Variants in CSMD1 observed in about 807,000 individuals in gnomAD.
The protein encoded by CSMD1 is CUB and Sushi multiple domains 1.
CSMD1 carries 213 observed loss-of-function variants against 417.5 expected under a neutral mutation model. The ratio of observed to expected loss-of-function variants is 0.51; its 90% CI spans 0.46 to 0.57. The LOEUF is 0.57. Ranked by LOEUF, CSMD1 falls within the 20% of genes least tolerant of loss-of-function variation. The pLI is 0.00. For missense variants in CSMD1, 6,923 were observed against 4,529.7 expected (o/e 1.53, Z -15.17); for synonymous variants, 2,862 against 1,736.8 (o/e 1.65, Z -16.11).
intron 9 of CSMD1, among the ~76,000 whole-genome samples, chr8:3,583,902 G>C (rs1224003193): frequency 6.6e-6 from 1 of 151,382 alleles, no homozygotes; most frequent in African/African-American, 2.4e-5. Context: ...GATAGATAAG[G>C]AGCATTGTCC....
chr8:3,992,570 G>A (rs1266586117), intron 5 of CSMD1, among the ~76,000 whole-genome samples: 2 of 152,168 alleles, frequency 1.3e-5, no homozygotes, highest in South Asian at 2.1e-4. Flanking sequence ...AATTCCTTGA[G>A]TCCAGGATTT....
chr8:4,511,015 A>C (rs1407986408), intron 2 of CSMD1, among the ~76,000 whole-genome samples: 1 of 152,084 alleles, frequency 6.6e-6, no homozygotes, highest in East Asian at 1.9e-4. Context: ...CCTTTAACCT[A>C]TGTGGCTGCC....
In CSMD1 at chr8:4,361,752, G is replaced by C. The variant is rs544169122; in HGVS notation, c.415+58201C>G. On this transcript the variant is annotated intron_variant, in intron 3 of 69. Transcript: ENST00000635120. ...GGGCGGATCACGAGGTCAGGAGATC[G>C]AGACCATCCTGGCTAACACGGTGAA... is the stretch of plus-strand genomic sequence containing the variant. Among the ~76,000 whole-genome samples the C allele has an allele frequency of 2.4e-4, 36 of 151,690 alleles. No individual in the cohort carries two copies. The East Asian group carries it at 3.3e-3, about 14-fold the overall frequency.
intron 5 of CSMD1, among the ~76,000 whole-genome samples, chr8:3,983,485 G>A (rs1814062018): frequency 6.6e-6 from 1 of 152,170 alleles, no homozygotes; most frequent in African/African-American, 2.4e-5. Context: ...ATCAAGTCAT[G>A]AGGAAAATAT....
At chr8:4,047,648 G>C (rs955395906) in intron 3 of CSMD1, among the ~76,000 whole-genome samples, 3 of 152,072 alleles carry the variant, frequency 2.0e-5, no homozygotes, top group African/African-American at 7.2e-5. Flanking sequence ...CCCTCAGTGA[G>C]TATATTTGGG....
At chr8:3,100,966 G>C (rs1227902741) in intron 46 of CSMD1, among the ~76,000 whole-genome samples, 1 of 151,916 alleles carries the variant, frequency 6.6e-6, no homozygotes, top group Non-Finnish European at 1.5e-5. Flanking sequence ...GGGCAGCGGC[G>C]GTTTTTATGT....
intron 2 of CSMD1, among the ~76,000 whole-genome samples, chr8:4,627,376 G>A (rs970638292): frequency 6.6e-6 from 1 of 152,074 alleles, no homozygotes; most frequent in African/African-American, 2.4e-5. Flanking sequence ...GCTCTTTATT[G>A]CATATTAATA....
chr8:4,479,414 A>AAGAAG (rs147604629), intron 2 of CSMD1, among the ~76,000 whole-genome samples: 1 of 152,120 alleles, frequency 6.6e-6, no homozygotes, highest in African/African-American at 2.4e-5. Flanking sequence ...TTCAGTAATT[A>AAGAAG]AGAAACCAGA....
In CSMD1 at chr8:4,423,320, C is replaced by G. The variant is rs186193985; in HGVS notation, c.303-3255G>C. On this transcript the variant is annotated intron_variant, in intron 2 of 69. Coordinates refer to ENST00000635120, the MANE Select transcript of CSMD1 (RefSeq NM_033225.6). ...ATCTTTATAGAAAATGCCAAGGAAT[C>G]TACAAGAAAATTTGTAGAGCTAATA... 1.6e-3 allele frequency among the ~76,000 whole-genome samples: 241 copies of G among 152,150 alleles called. 1 individual carries two copies. The highest frequency in any genetic ancestry group is 5.4e-3 in the African/African-American group (226 of 41,568).
chr8:4,120,595 A>G (rs913585168), intron 3 of CSMD1, among the ~76,000 whole-genome samples: 1 of 152,140 alleles, frequency 6.6e-6, no homozygotes, highest in Non-Finnish European at 1.5e-5. Flanking sequence ...GTGGCCTCAC[A>G]CTTTTGGGTG....
At chr8:4,189,848 T>C (rs893192754) in intron 3 of CSMD1, among the ~76,000 whole-genome samples, 1 of 152,200 alleles carries the variant, frequency 6.6e-6, no homozygotes, top group Non-Finnish European at 1.5e-5. Flanking sequence ...TTTTAACATA[T>C]TAATATTTTT....
chr8:4,778,944 T>A (rs1797011257), intron 1 of CSMD1, among the ~76,000 whole-genome samples: 1 of 152,236 alleles, frequency 6.6e-6, no homozygotes, highest in Non-Finnish European at 1.5e-5. Context: ...CTGTGGGTTT[T>A]AAATAGCCAT....
At chr8:3,960,104 A>G (rs905014080) in intron 5 of CSMD1, among the ~76,000 whole-genome samples, 2 of 152,178 alleles carry the variant, frequency 1.3e-5, no homozygotes, top group African/African-American at 4.8e-5. Flanking sequence ...GCTAAGTGGA[A>G]ACACAGGTTG....
intron 2 of CSMD1, among the ~76,000 whole-genome samples, chr8:4,431,634 C>T (rs1040890695): frequency 2.0e-5 from 3 of 151,990 alleles, no homozygotes; most frequent in African/African-American, 7.2e-5. Context: ...AACAGACAAA[C>T]AAAAAACAGA....
intron 3 of CSMD1, among the ~76,000 whole-genome samples, chr8:4,288,286 C>G (rs1187372339): frequency 6.6e-6 from 1 of 152,146 alleles, no homozygotes; most frequent in Admixed American, 6.5e-5. Flanking sequence ...AGTAAGCTCC[C>G]TTTCCTAAGG....
rs575541372 is a variant in CSMD1, at chr8:4,143,175, A to C, written c.416-111076T>G. On this transcript the variant is annotated intron_variant, in intron 3 of 69. Transcript: ENST00000635120. ...ATGCACTAGCAAATGTGAGTGTTCA[A>C]AACAGGTAAGTGCTGAGAATGTTTC... Among the ~76,000 whole-genome samples the C allele has an allele frequency of 6.0e-5, 9 of 151,226 alleles. No homozygotes were observed. In the South Asian group the frequency reaches 1.5e-3, roughly 24 times the overall value.
At chr8:3,916,413 C>G (rs2954620) in intron 5 of CSMD1, among the ~76,000 whole-genome samples, 4,885 of 152,266 alleles carry the variant, frequency 0.032, 260 homozygotes, top group African/African-American at 0.11. Context: ...ATTTCTAAAA[C>G]TGTCTTAACA....
chr8:3,052,781 C>CTTTTTTTTTTT (rs1360819917), intron 49 of CSMD1, 134 bp from the exon 50 acceptor site: 1 of 530,288 alleles, frequency 1.9e-6, no homozygotes, highest in African/African-American at 2.7e-5. Context: ...CTTTTTTTTT[C>CTTTTTTTTTTT]TTTCTTTTTT....
At chr8:3,191,970 C>T (rs898566427) in intron 33 of CSMD1, among the ~76,000 whole-genome samples, 33 of 152,268 alleles carry the variant, frequency 2.2e-4, no homozygotes, top group African/African-American at 7.5e-4. Flanking sequence ...TATCTTCCCA[C>T]GGCTTTTTCT....
Sources: gnomAD v4.1 joint callset for allele counts (sites outside exome capture counted in the v4.1 genomes callset) on GRCh38, gnomAD v4.1.1 for gene constraint, MANE v1.5 for transcripts, NCBI Gene and HGNC (gene_info 2026-07-23, HGNC 2026-07-21) for gene names.